The following UBE2W variants were observed in gnomAD, a reference collection of about 807,000 sequenced individuals.
UBE2W encodes the protein ubiquitin-conjugating enzyme E2 W.
In UBE2W, 18 loss-of-function variants were observed where a neutral mutation model predicts 27.2. The ratio of observed to expected loss-of-function variants is 0.66; its 90% CI spans 0.46 to 0.98. The LOEUF is 0.98. Among genes scored for constraint, UBE2W ranks in the 50% least tolerant of loss-of-function variants. UBE2W has a pLI of 0.00. For missense variants in UBE2W, 90 were observed against 180.2 expected (o/e 0.50, Z 2.87); for synonymous variants, 53 against 57.2 (o/e 0.93, Z 0.33).
Position 73,802,332 on chromosome 8 carries a change from GTAATT to G in UBE2W, c.442+3314_442+3318del, listed in dbSNP as rs1808680187. Among the ~76,000 whole-genome samples the G allele has an allele frequency of 2.0e-5, 3 of 152,154 alleles. No individual in the cohort carries two copies. The South Asian group carries it at 6.2e-4, about 32-fold the overall frequency. ...GAAACTGTTTCAAAATCTTAAACTG[GTAATT>G]ATTTTACTGAGCTGCACTTTTTTGC... On this transcript the variant is annotated intron_variant, in intron 5 of 5. Coordinates refer to ENST00000602593, the MANE Select transcript of UBE2W (RefSeq NM_018299.6).
chr8:73,859,505 G>A (rs1358902294), intron 1 of UBE2W, among the ~76,000 whole-genome samples: 1 of 152,066 alleles, frequency 6.6e-6, no homozygotes, highest in Admixed American at 6.6e-5. Context: ...TTAATGAATA[G>A]TAAATATATT....
At position 73,786,870 on chromosome 8, in the gene UBE2W, T is replaced by C. The variant is rs1426452688; in HGVS notation, c.*7232A>G. 8 of 985,408 alleles carry C rather than the reference T, an allele frequency of 8.1e-6. No individual in the cohort carries two copies. The highest frequency in any genetic ancestry group is 9.6e-6 in the Non-Finnish European group (8 of 829,904). The allele number at this position is 985,408 out of a possible 1,614,324, so 61.0% of individuals were successfully genotyped here. A position where few individuals can be genotyped will look rare whatever the true frequency, so the allele number is the denominator to read the frequency against. On this transcript the variant is annotated 3_prime_UTR_variant, in exon 6 of 6. Transcript: ENST00000602593. The stretch of plus-strand genomic sequence containing the variant: ...AAGTTGGATGGGAATGTCATTAAAT[T>C]ATAACAGGATAAAAGAAATATGTTT...
chr8:73,840,355 CA>C (rs549338475), intron 1 of UBE2W, among the ~76,000 whole-genome samples: 15 of 152,184 alleles, frequency 9.9e-5, no homozygotes, highest in Non-Finnish European at 2.2e-4. Flanking sequence ...CACATCCAGC[CA>C]AAGCTCATTC....
chr8:73,853,469 A>G (rs1436103432), intron 1 of UBE2W, among the ~76,000 whole-genome samples: 3 of 152,058 alleles, frequency 2.0e-5, no homozygotes, highest in Non-Finnish European at 4.4e-5. Context: ...TATATTGCCC[A>G]GGTTTGGAAT....
At chr8:73,820,828 G>C (rs2130890976) in intron 3 of UBE2W, among the ~76,000 whole-genome samples, 2 of 152,164 alleles carry the variant, frequency 1.3e-5, no homozygotes, top group East Asian at 3.9e-4. Context: ...GCAGATGGCT[G>C]TAGTCCCTGC....
At chr8:73,856,185 CAAAT>C (rs1432009776) in intron 1 of UBE2W, among the ~76,000 whole-genome samples, 1 of 151,826 alleles carries the variant, frequency 6.6e-6, no homozygotes, top group Non-Finnish European at 1.5e-5. Context: ...ATTTTGATAA[CAAAT>C]AGATTAAAAC....
At chr8:73,826,515 C>A (rs1004186719) in intron 2 of UBE2W, among the ~76,000 whole-genome samples, 1 of 151,996 alleles carries the variant, frequency 6.6e-6, no homozygotes, top group South Asian at 2.1e-4. Context: ...ATACTATGAA[C>A]CTTGGATTAT....
At chr8:73,816,379 T>C (rs570364226) in intron 3 of UBE2W, among the ~76,000 whole-genome samples, 19 of 152,276 alleles carry the variant, frequency 1.2e-4, no homozygotes, top group Non-Finnish European at 2.5e-4. Flanking sequence ...TCAAAGACTT[T>C]GGAAAGCTTG....
intron 1 of UBE2W, among the ~76,000 whole-genome samples, chr8:73,835,858 C>G (rs980301806): frequency 6.6e-6 from 1 of 152,102 alleles, no homozygotes; most frequent in African/African-American, 2.4e-5. Flanking sequence ...AATTCAGAGG[C>G]CTTCATAGTG....
intron 1 of UBE2W, among the ~76,000 whole-genome samples, chr8:73,842,300 G>A (rs373317938): frequency 2.6e-3 from 393 of 151,932 alleles, no homozygotes; most frequent in African/African-American, 8.6e-3. Flanking sequence ...AGGCCGAGGC[G>A]GGTGGATTAC....
At chr8:73,801,493 A>C (rs1808642018) in intron 5 of UBE2W, among the ~76,000 whole-genome samples, 1 of 152,210 alleles carries the variant, frequency 6.6e-6, no homozygotes, top group Non-Finnish European at 1.5e-5. Flanking sequence ...CACTTGTAAA[A>C]AAGAAGAATC....
chr8:73,801,973 TGTA>T (rs1808664357), intron 5 of UBE2W, among the ~76,000 whole-genome samples: 1 of 152,178 alleles, frequency 6.6e-6, no homozygotes, highest in South Asian at 2.1e-4. Flanking sequence ...GAGTTGTGTG[TGTA>T]GTAGAATTAA....
intron 1 of UBE2W, among the ~76,000 whole-genome samples, chr8:73,865,146 CA>C (rs1811695658): frequency 3.1e-5 from 3 of 97,044 alleles, no homozygotes; most frequent in African/African-American, 1.1e-4. Flanking sequence ...CATAGAATGA[CA>C]AATTCTTCAC....
chr8:73,878,713 C>G (rs1433555905), intron 1 of UBE2W, 95 bp downstream of exon 1: 1 of 1,157,442 alleles, frequency 8.6e-7, no homozygotes, highest in African/African-American at 1.5e-5. Context: ...CGAACCCGCC[C>G]GGGTGTCCCC....
chr8:73,786,803 GA>G lies in UBE2W; in HGVS notation c.*7298del. On this transcript the variant is annotated 3_prime_UTR_variant, in exon 6 of 6. Coordinates refer to ENST00000602593, the MANE Select transcript of UBE2W (RefSeq NM_018299.6). ...TTTAAAGTTACACTCAACAGGACTT[GA>G]AAAATGCAAGGAGAGGACTACTGAG... 1.0e-6 allele frequency: 1 copy of G among 985,372 alleles called. No individual in the cohort carries two copies. The highest frequency in any genetic ancestry group is 1.2e-6 in the Non-Finnish European group (1 of 829,916). The allele number at this position is 985,372 out of a possible 1,614,324, so 61.0% of individuals were successfully genotyped here.
At chr8:73,828,580 A>G (rs907380537) in intron 2 of UBE2W, among the ~76,000 whole-genome samples, 3 of 152,198 alleles carry the variant, frequency 2.0e-5, no homozygotes, top group Admixed American at 2.0e-4. Flanking sequence ...GATAGTATTC[A>G]TATTTTTTAA....
rs5892434 is a variant in UBE2W, at chr8:73,858,879, CGTGTGTGTGTGTGTGTGTGT to C, written c.15+19909_15+19928del. The stretch of plus-strand genomic sequence containing the variant: ...CTATCATTAGGGGGGTTTTTGCGTG[CGTGTGTGTGTGTGTGTGTGT>C]GTGTGTGTGTTGGTTTTTTTGCTTT... On this transcript the variant is annotated intron_variant, in intron 1 of 5. Transcript: ENST00000602593. Among the ~76,000 whole-genome samples, 13 of 141,816 alleles carry C rather than the reference CGTGTGTGTGTGTGTGTGTGT, an allele frequency of 9.2e-5. 1 individual carries two copies. The highest frequency in any genetic ancestry group is 3.4e-4 in the African/African-American group (13 of 38,640). The allele number at this position is 141,816 out of a possible 152,430, so 93.0% of individuals were successfully genotyped here. A position where few individuals can be genotyped will look rare whatever the true frequency, so the allele number is the denominator to read the frequency against.
intron 1 of UBE2W, among the ~76,000 whole-genome samples, chr8:73,840,066 T>C (rs989727600): frequency 6.6e-6 from 1 of 151,678 alleles, no homozygotes; most frequent in African/African-American, 2.4e-5. Context: ...TTTTCTTTTT[T>C]TTCCCCCCAA....
intron 1 of UBE2W, among the ~76,000 whole-genome samples, chr8:73,853,559 C>T (rs1421309256): frequency 1.3e-5 from 2 of 152,094 alleles, no homozygotes; most frequent in African/African-American, 4.8e-5. Context: ...TTGCGCCTGA[C>T]CCAGCAAAAT....
Sources: allele counts gnomAD v4.1 joint callset (sites outside exome capture counted in the v4.1 genomes callset), GRCh38; gene constraint gnomAD v4.1.1; transcripts MANE v1.5; gene names NCBI Gene and HGNC (gene_info 2026-07-23, HGNC 2026-07-21).